Variants in FGGY observed in about 807,000 individuals in gnomAD.
FGGY encodes FGGY carbohydrate kinase domain containing.
A neutral mutation model predicts 71.3 loss-of-function variants in FGGY; 72 were observed. The ratio of observed to expected loss-of-function variants is 1.01; its 90% CI spans 0.84 to 1.23. The LOEUF (loss-of-function observed/expected upper bound fraction) is 1.23, where lower values mean the gene tolerates loss of function less well. FGGY is among the 50% of genes most tolerant of loss of function. The pLI, the probability that FGGY is intolerant of heterozygous loss-of-function variation, is 0.00. For missense variants in FGGY, 668 were observed against 682.3 expected (o/e 0.98, Z 0.23); for synonymous variants, 251 against 250.3 (o/e 1.00, Z -0.02).
chr1:59,424,133 T>A (rs1430940181), intron 5 of FGGY, among the ~76,000 whole-genome samples: 1 of 152,212 alleles, frequency 6.6e-6, no homozygotes, highest in African/African-American at 2.4e-5. Flanking sequence ...AATCAATGCA[T>A]GAAGATGTGT....
At chr1:59,545,328 AT>A (rs2095504472) in intron 7 of FGGY, among the ~76,000 whole-genome samples, 1 of 152,186 alleles carries the variant, frequency 6.6e-6, no homozygotes, top group Non-Finnish European at 1.5e-5. Context: ...CATAAGATGC[AT>A]TTGTGATGCT....
chr1:59,560,020 A>G (rs2095760643), intron 8 of FGGY, among the ~76,000 whole-genome samples: 1 of 152,220 alleles, frequency 6.6e-6, no homozygotes, highest in African/African-American at 2.4e-5. Flanking sequence ...CTTCCACAAA[A>G]TATGGTATGG....
At chr1:59,658,866 G>C (rs2097248025) in intron 11 of FGGY, among the ~76,000 whole-genome samples, 1 of 152,142 alleles carries the variant, frequency 6.6e-6, no homozygotes, top group Non-Finnish European at 1.5e-5. Context: ...AAAGAGATTT[G>C]GGAGATCAAA....
At chr1:59,752,608 C>T (rs1274803135) in intron 14 of FGGY, among the ~76,000 whole-genome samples, 1 of 152,208 alleles carries the variant, frequency 6.6e-6, no homozygotes, top group Admixed American at 6.5e-5. Flanking sequence ...TACTGAAGAA[C>T]CCATGGCTTC....
At chr1:59,457,623 G>A (rs1372807406) in intron 6 of FGGY, among the ~76,000 whole-genome samples, 1 of 150,216 alleles carries the variant, frequency 6.7e-6, no homozygotes, top group Non-Finnish European at 1.5e-5. Flanking sequence ...TTTTGAGGGG[G>A]AAAAAAAAAT....
intron 7 of FGGY, among the ~76,000 whole-genome samples, chr1:59,514,350 C>T (rs1224760064): frequency 6.6e-6 from 1 of 152,218 alleles, no homozygotes; most frequent in Non-Finnish European, 1.5e-5. Context: ...GTTTCCTTGT[C>T]AGTTTCCCAG....
At chr1:59,431,500 C>T (rs1265717646) in intron 5 of FGGY, among the ~76,000 whole-genome samples, 3 of 152,318 alleles carry the variant, frequency 2.0e-5, no homozygotes, top group East Asian at 3.9e-4. Flanking sequence ...TAGGCTATAG[C>T]ACTAGATGTG....
chr1:59,503,188 T>G (rs2094281457), intron 6 of FGGY, among the ~76,000 whole-genome samples: 1 of 152,202 alleles, frequency 6.6e-6, no homozygotes, highest in Admixed American at 6.5e-5. Flanking sequence ...TATCATAGAC[T>G]CTTCATGTAG....
chr1:59,745,753 C>T (rs926390424), intron 14 of FGGY, among the ~76,000 whole-genome samples: 4 of 152,128 alleles, frequency 2.6e-5, no homozygotes, highest in Non-Finnish European at 5.9e-5. Context: ...AGATGATGGA[C>T]TCTAAGCTAG....
chr1:59,726,538 G>GT (rs1258067868), intron 14 of FGGY, among the ~76,000 whole-genome samples: 1 of 152,058 alleles, frequency 6.6e-6, no homozygotes, highest in Non-Finnish European at 1.5e-5. Context: ...AAATTCACTA[G>GT]TAAAAACCAT....
At chr1:59,512,751 C>T (rs1212929845) in intron 7 of FGGY, among the ~76,000 whole-genome samples, 1 of 152,188 alleles carries the variant, frequency 6.6e-6, no homozygotes, top group African/African-American at 2.4e-5. Flanking sequence ...TCTTGCCACA[C>T]TTAGCTCTAC....
In FGGY at chr1:59,360,318, A is replaced by G. The variant is rs369972421; in HGVS notation, c.465+13920A>G. The stretch of plus-strand genomic sequence containing the variant: ...AGAACCAGGGACTAGAGTGAAGCCT[A>G]CTGCAGTTGTCTTGGCATGAGGCTG... On this transcript the variant is annotated intron_variant, in intron 4 of 15. Transcript: ENST00000303721. Among the ~76,000 whole-genome samples the G allele has an allele frequency of 7.2e-5, 11 of 152,220 alleles. No individual in the cohort carries two copies. In the East Asian group the frequency reaches 1.5e-3, roughly 21 times the overall value.
At chr1:59,760,930 T>G (rs1270925854) in intron 15 of FGGY, among the ~76,000 whole-genome samples, 1 of 152,240 alleles carries the variant, frequency 6.6e-6, no homozygotes, top group African/African-American at 2.4e-5. Flanking sequence ...GTTCCTAAAA[T>G]AATTCTACAA....
intron 2 of FGGY, among the ~76,000 whole-genome samples, chr1:59,333,801 C>A (rs1364298852): frequency 6.6e-6 from 1 of 152,206 alleles, no homozygotes; most frequent in African/African-American, 2.4e-5. Context: ...TACTGCCTGT[C>A]AGGAAATGGG....
chr1:59,465,083 C>A (rs1490397229), intron 6 of FGGY, among the ~76,000 whole-genome samples: 1 of 152,194 alleles, frequency 6.6e-6, no homozygotes, highest in Non-Finnish European at 1.5e-5. Context: ...AGATCAATAT[C>A]CCTGATGAAC....
intron 8 of FGGY, among the ~76,000 whole-genome samples, chr1:59,569,198 T>G (rs2095936248): frequency 6.6e-6 from 1 of 152,176 alleles, no homozygotes; most frequent in Non-Finnish European, 1.5e-5. Context: ...AGGCTAATTG[T>G]CGAATCCCTG....
chr1:59,570,373 T>C (rs2095963049), intron 8 of FGGY, among the ~76,000 whole-genome samples: 2 of 152,166 alleles, frequency 1.3e-5, no homozygotes, highest in African/African-American at 4.8e-5. Flanking sequence ...AAATGTAAAA[T>C]TAATGTAAAA....
chr1:59,661,281 A>T (rs1331975713), intron 12 of FGGY, among the ~76,000 whole-genome samples: 1 of 152,182 alleles, frequency 6.6e-6, no homozygotes. Flanking sequence ...TAATGCTCAG[A>T]TTTGTCCATG....
At chr1:59,581,114 T>C (rs1318467490) in intron 8 of FGGY, among the ~76,000 whole-genome samples, 1 of 137,166 alleles carries the variant, frequency 7.3e-6, no homozygotes, top group Non-Finnish European at 1.5e-5. Context: ...TCAGTCATCT[T>C]AGTGCTGCAC....
Sources: gnomAD v4.1 joint callset for allele counts (sites outside exome capture counted in the v4.1 genomes callset) on GRCh38, gnomAD v4.1.1 for gene constraint, MANE v1.5 for transcripts, NCBI Gene and HGNC (gene_info 2026-07-23, HGNC 2026-07-21) for gene names.